SLC7A14: variants seen among roughly 807,000 people sequenced by gnomAD.
The protein encoded by SLC7A14 is gamma-aminobutyric acid transporter SLC7A14.
SLC7A14 carries 37 observed loss-of-function variants against 60.2 expected under a neutral mutation model. That is an observed-to-expected ratio of 0.61 (90% CI 0.47 to 0.81). The LOEUF (loss-of-function observed/expected upper bound fraction) is 0.81. SLC7A14 is among the 30% of genes least tolerant of loss of function. SLC7A14 has a pLI of 0.00. For missense variants in SLC7A14, 886 were observed against 982.7 expected (o/e 0.90, Z 1.32); for synonymous variants, 399 against 395.8 (o/e 1.01, Z -0.10).
In SLC7A14 at chr3:170,585,179, G is replaced by C. The variant is rs541128460; in HGVS notation, c.-153+732C>G. ...TGCTTTGGAATGGGAGAAGAGAGGA[G>C]ACTGAGGGTTGAAGCAGTGCAGGAG... is the stretch of plus-strand genomic sequence containing the variant. On this transcript the variant is annotated intron_variant, in intron 1 of 7. Coordinates refer to ENST00000231706, the MANE Select transcript of SLC7A14 (RefSeq NM_020949.3). This position sits in a 1 kb window ranked among gnomAD's most constrained non-coding sequence, Gnocchi z 5.1. Among the ~76,000 whole-genome samples the C allele has an allele frequency of 4.9e-4, 74 of 152,300 alleles. No individual in the cohort carries two copies. The highest frequency in any genetic ancestry group is 3.5e-4 in the Non-Finnish European group (24 of 68,006).
chr3:170,469,209 G>A lies in SLC7A14; in HGVS notation c.1994-1832C>T, dbSNP rs371660503. Among the ~76,000 whole-genome samples the A allele has an allele frequency of 2.0e-4, 30 of 152,238 alleles. No homozygotes were observed. The South Asian group carries it at 4.2e-3, about 21-fold the overall frequency. ...CTGCTGGGCTGGTTTGCTTAGAACC[G>A]CAAGTCAAGCCTGCTTTGCTGCTGT... On this transcript the variant is annotated intron_variant, in intron 7 of 7. Coordinates refer to ENST00000231706, the MANE Select transcript of SLC7A14 (RefSeq NM_020949.3).
At chr3:170,503,182 T>C (rs1195797634) in intron 2 of SLC7A14, among the ~76,000 whole-genome samples, 2 of 152,230 alleles carry the variant, frequency 1.3e-5, no homozygotes, top group Non-Finnish European at 2.9e-5. Flanking sequence ...TTTGTAAATG[T>C]AGCTTTCCAT....
In SLC7A14 at chr3:170,521,705, G is replaced by A. The variant is rs190227795; in HGVS notation, c.304+4928C>T. On this transcript the variant is annotated intron_variant, in intron 2 of 7. Transcript: ENST00000231706. ...TGGGAGGCCAAGGCAGGCAGATCAC[G>A]AGGTCAGGAGTTCGAGACCAGCCTG... 9.8e-5 allele frequency among the ~76,000 whole-genome samples: 15 copies of A among 152,286 alleles called. No individual in the cohort carries two copies. In the East Asian group the frequency reaches 2.3e-3, roughly 24 times the overall value.
At chr3:170,514,157 C>G (rs560981319) in intron 2 of SLC7A14, among the ~76,000 whole-genome samples, 2 of 152,354 alleles carry the variant, frequency 1.3e-5, no homozygotes, top group South Asian at 4.1e-4. Context: ...TGTCTGCAGC[C>G]TCTGTGAACT....
chr3:170,472,170 T>G (rs1384589007), intron 7 of SLC7A14, among the ~76,000 whole-genome samples: 1 of 144,316 alleles, frequency 6.9e-6, no homozygotes, highest in African/African-American at 2.6e-5. Context: ...GGAGTTCGAG[T>G]CCAGCCTGGC....
chr3:170,549,505 C>T (rs1422699748), intron 1 of SLC7A14, among the ~76,000 whole-genome samples: 2 of 152,220 alleles, frequency 1.3e-5, no homozygotes, highest in African/African-American at 2.4e-5. Context: ...TGAGCCACCA[C>T]GCCCAGCCTT....
At chr3:170,582,579 G>A (rs1192240975) in intron 1 of SLC7A14, among the ~76,000 whole-genome samples, 1 of 152,160 alleles carries the variant, frequency 6.6e-6, no homozygotes, top group Non-Finnish European at 1.5e-5. Context: ...ATCACCTAGT[G>A]AAGGTACAAT....
chr3:170,467,496 G>A (rs1283395717), intron 7 of SLC7A14, 119 bp from the exon 8 acceptor site: 8 of 596,344 alleles, frequency 1.3e-5, no homozygotes, highest in Admixed American at 3.9e-5. Flanking sequence ...CGGTGGGGGC[G>A]GGGATGTATT....
intron 2 of SLC7A14, among the ~76,000 whole-genome samples, chr3:170,510,402 AAATAAATAAAT>A (rs1560264145): frequency 1.6e-4 from 19 of 121,154 alleles, no homozygotes; most frequent in South Asian, 5.0e-4. Flanking sequence ...AAAAAAAAAT[AAATAAATAAAT>A]AAATAAATAA....
intron 1 of SLC7A14, among the ~76,000 whole-genome samples, chr3:170,582,054 T>G (rs1216838702): frequency 6.6e-6 from 1 of 152,162 alleles, no homozygotes; most frequent in Non-Finnish European, 1.5e-5. Context: ...ATATTTTACT[T>G]TATAGTAACA....
intron 1 of SLC7A14, among the ~76,000 whole-genome samples, chr3:170,559,216 C>G (rs766577746): frequency 6.6e-6 from 1 of 152,020 alleles, no homozygotes; most frequent in African/African-American, 2.4e-5. Flanking sequence ...TTTCAGGGGA[C>G]AAAATATAAA....
intron 2 of SLC7A14, among the ~76,000 whole-genome samples, chr3:170,515,641 T>A (rs898439373): frequency 2.0e-5 from 3 of 152,008 alleles, no homozygotes; most frequent in Non-Finnish European, 2.9e-5. Context: ...GGGGGGGAGT[T>A]GAGACAATAG....
At chr3:170,482,942 G>C (rs952850600) in intron 6 of SLC7A14, among the ~76,000 whole-genome samples, 4 of 151,600 alleles carry the variant, frequency 2.6e-5, no homozygotes, top group Admixed American at 6.6e-5. Flanking sequence ...TGTGGAGAGT[G>C]GGGCAGTTAC....
At chr3:170,549,680 C>G (rs1442484623) in intron 1 of SLC7A14, among the ~76,000 whole-genome samples, 2 of 152,288 alleles carry the variant, frequency 1.3e-5, no homozygotes, top group South Asian at 4.2e-4. Flanking sequence ...TGGGGAGAGG[C>G]ACTTTGCTTG....
chr3:170,542,874 G>T (rs1560275246), intron 1 of SLC7A14, among the ~76,000 whole-genome samples: 1 of 152,136 alleles, frequency 6.6e-6, no homozygotes, highest in African/African-American at 2.4e-5. Context: ...AAATCACAGA[G>T]TGATATTTAG....
At chr3:170,584,106 G>T (rs183884775) in intron 1 of SLC7A14, among the ~76,000 whole-genome samples, 2 of 152,182 alleles carry the variant, frequency 1.3e-5, no homozygotes, top group African/African-American at 4.8e-5. Context: ...CTATTGTGAA[G>T]TTTAAATGAA....
intron 1 of SLC7A14, among the ~76,000 whole-genome samples, chr3:170,562,410 T>G (rs553404624): frequency 6.6e-6 from 1 of 152,164 alleles, no homozygotes; most frequent in African/African-American, 2.4e-5. Flanking sequence ...GAAACTTGTA[T>G]GTTCTCACTC....
intron 2 of SLC7A14, among the ~76,000 whole-genome samples, chr3:170,521,207 G>A (rs1357459714): frequency 1.3e-5 from 2 of 152,206 alleles, no homozygotes; most frequent in African/African-American, 4.8e-5. Context: ...AGTGGGAGGA[G>A]CTTGGCAAGT....
chr3:170,476,066 G>T (rs1340025525), intron 7 of SLC7A14, among the ~76,000 whole-genome samples: 1 of 152,098 alleles, frequency 6.6e-6, no homozygotes, highest in Non-Finnish European at 1.5e-5. Flanking sequence ...GCTGGTCTGG[G>T]GTCACACATT....
Sources: allele counts gnomAD v4.1 joint callset (sites outside exome capture counted in the v4.1 genomes callset), GRCh38; gene constraint gnomAD v4.1.1; non-coding constraint Gnocchi (gnomAD v3.1); transcripts MANE v1.5; gene names NCBI Gene and HGNC (gene_info 2026-07-23, HGNC 2026-07-21).